Variants in ADGRB3 observed in about 807,000 individuals in gnomAD.
ADGRB3 encodes the protein brain-specific angiogenesis inhibitor 3.
ADGRB3 carries 37 observed loss-of-function variants against 193.4 expected under a neutral mutation model. The observed-to-expected ratio is 0.19, with a 90% CI of 0.15 to 0.25. ADGRB3 has a LOEUF of 0.25. Ranked by LOEUF, ADGRB3 falls within the 10% of genes least tolerant of loss-of-function variation. ADGRB3 has a pLI of 1.00. For missense variants in ADGRB3, 1,637 were observed against 1,852.9 expected (o/e 0.88, Z 2.14); for synonymous variants, 690 against 644.2 (o/e 1.07, Z -1.08).
intron 17 of ADGRB3, among the ~76,000 whole-genome samples, chr6:69,192,358 C>G (rs1446746911): frequency 6.6e-6 from 1 of 152,124 alleles, no homozygotes; most frequent in Admixed American, 6.5e-5. Flanking sequence ...TAGTCTTTCC[C>G]CATTCTTCTG....
intron 17 of ADGRB3, among the ~76,000 whole-genome samples, chr6:69,187,099 CA>C (rs1765087576): frequency 1.3e-5 from 2 of 151,718 alleles, no homozygotes; most frequent in Non-Finnish European, 2.9e-5. Flanking sequence ...ATAAGAAACT[CA>C]AAAACAATGC....
Position 69,175,390 on chromosome 6 carries a change from T to G in ADGRB3, c.2481-57900T>G, listed in dbSNP as rs542750558. 9.8e-5 allele frequency among the ~76,000 whole-genome samples: 15 copies of G among 152,306 alleles called. No individual in the cohort carries two copies. In the East Asian group the frequency reaches 2.9e-3, roughly 29 times the overall value. ...AGCCATCCCAGCACTATTTATTGAA[T>G]AGGGAGTCCTTTTCTCATTGCTTAT... On this transcript the variant is annotated intron_variant, in intron 17 of 31. Transcript: ENST00000370598.
At chr6:69,379,931 A>G (rs1769911095) in intron 30 of ADGRB3, among the ~76,000 whole-genome samples, 1 of 152,012 alleles carries the variant, frequency 6.6e-6, no homozygotes, top group Non-Finnish European at 1.5e-5. Flanking sequence ...TTTATTATTC[A>G]GAATAGCTTT....
intron 17 of ADGRB3, among the ~76,000 whole-genome samples, chr6:69,160,714 G>C (rs944896421): frequency 1.3e-5 from 2 of 152,038 alleles, no homozygotes; most frequent in African/African-American, 2.4e-5. Flanking sequence ...TCCAGTGCTA[G>C]ATTTGTAATA....
chr6:68,729,004 A>C (rs1373120579), intron 3 of ADGRB3, among the ~76,000 whole-genome samples: 1 of 151,668 alleles, frequency 6.6e-6, no homozygotes, highest in Non-Finnish European at 1.5e-5. Context: ...TTAAAATCTA[A>C]GATAAGCCAC....
chr6:69,358,781 G>T (rs147574242), intron 28 of ADGRB3, among the ~76,000 whole-genome samples: 1 of 151,626 alleles, frequency 6.6e-6, no homozygotes, highest in Non-Finnish European at 1.5e-5. Flanking sequence ...TCATGTTTTC[G>T]TGTGTAGGTG....
chr6:69,313,922 C>A (rs1298860592), intron 20 of ADGRB3, among the ~76,000 whole-genome samples: 1 of 151,712 alleles, frequency 6.6e-6, no homozygotes, highest in South Asian at 2.1e-4. Context: ...TCTCTCCAGA[C>A]ATCTAAGAGA....
intron 3 of ADGRB3, among the ~76,000 whole-genome samples, chr6:68,722,091 A>G (rs1765594242): frequency 6.6e-6 from 1 of 151,720 alleles, no homozygotes; most frequent in Non-Finnish European, 1.5e-5. Flanking sequence ...TTCCTACTAA[A>G]TCATTAAAAA....
chr6:69,035,461 T>C (rs1016914292), intron 13 of ADGRB3, among the ~76,000 whole-genome samples: 1 of 151,490 alleles, frequency 6.6e-6, no homozygotes, highest in Non-Finnish European at 1.5e-5. Context: ...AAGAGAGGAG[T>C]TGGTTGAAAT....
At chr6:69,372,382 T>C in intron 29 of ADGRB3, 24 bp from the exon 30 acceptor site, 1 of 1,302,664 alleles carries the variant, frequency 7.7e-7, no homozygotes, top group Non-Finnish European at 1.0e-6. Flanking sequence ...TTTTTCTCCT[T>C]CTTTTTAAAA....
chr6:68,815,363 C>T (rs1010833301), intron 3 of ADGRB3, among the ~76,000 whole-genome samples: 1 of 151,938 alleles, frequency 6.6e-6, no homozygotes, highest in Non-Finnish European at 1.5e-5. Context: ...ACAGTATTGA[C>T]GTGATTAGTC....
At chr6:69,244,850 A>T (rs1464713802) in intron 20 of ADGRB3, among the ~76,000 whole-genome samples, 2 of 152,030 alleles carry the variant, frequency 1.3e-5, no homozygotes, top group African/African-American at 4.8e-5. Flanking sequence ...TAACCCAGAG[A>T]GTGGTATGTT....
Position 68,993,812 on chromosome 6 carries a change from T to G in ADGRB3, c.1779T>G (p.Asp593Glu). The G allele has an allele frequency of 6.2e-7, 1 of 1,613,976 alleles. No individual in the cohort carries two copies. Residue 593 changes from aspartate (D) to glutamate (E), a missense_variant, in exon 11 of 32, where the codon GAT becomes GAG. Coordinates refer to ENST00000370598, the MANE Select transcript of ADGRB3 (RefSeq NM_001704.3). Reference protein sequence around the residue: ...LAKGQRMLAGDGMSQVTKTLL... With the variant: ...LAKGQRMLAGEGMSQVTKTLL... ...AGGGGCAGCGAATGCTGGCAGGTGA[T>G]GGAATGTCCCAGGTGACCAAGACAC...
intron 3 of ADGRB3, among the ~76,000 whole-genome samples, chr6:68,866,920 T>G (rs2150217474): frequency 6.6e-6 from 1 of 152,332 alleles, no homozygotes; most frequent in East Asian, 1.9e-4. Context: ...GTATATAGTC[T>G]TATGCATTCA....
At position 68,976,607 on chromosome 6, in the gene ADGRB3, G is replaced by T. The variant is rs1020393916; in HGVS notation, c.1734+1267G>T. ...ATATTCCATATGTTACATATATTTT[G>T]TACTGTATTTTTACAATAAAGTAAG... On this transcript the variant is annotated intron_variant, in intron 10 of 31. Coordinates refer to ENST00000370598, the MANE Select transcript of ADGRB3 (RefSeq NM_001704.3). 2.6e-5 allele frequency among the ~76,000 whole-genome samples: 4 copies of T among 152,014 alleles called. No individual in the cohort carries two copies. In the East Asian group the frequency reaches 5.8e-4, roughly 22 times the overall value.
chr6:69,021,500 GC>G (rs1562125026), intron 13 of ADGRB3, among the ~76,000 whole-genome samples: 2 of 151,850 alleles, frequency 1.3e-5, no homozygotes, highest in African/African-American at 4.8e-5. Flanking sequence ...GGAAGCAGAA[GC>G]AGTGCTATTA....
At chr6:69,125,163 A>C (rs1460265648) in intron 17 of ADGRB3, among the ~76,000 whole-genome samples, 1 of 152,160 alleles carries the variant, frequency 6.6e-6, no homozygotes, top group Non-Finnish European at 1.5e-5. Flanking sequence ...CCTTTTGGAC[A>C]GTGTTACCTT....
At chr6:69,275,343 A>T (rs1033553501) in intron 20 of ADGRB3, among the ~76,000 whole-genome samples, 6 of 152,136 alleles carry the variant, frequency 3.9e-5, no homozygotes, top group African/African-American at 1.4e-4. Context: ...TTGCAAGTCT[A>T]AGATTATTTG....
chr6:69,303,944 G>T (rs781218090), intron 20 of ADGRB3, among the ~76,000 whole-genome samples: 3 of 151,812 alleles, frequency 2.0e-5, no homozygotes, highest in Non-Finnish European at 4.4e-5. Context: ...TCTAGAACTC[G>T]AAGCCTCTTT....
Sources: gnomAD v4.1 joint callset for allele counts (sites outside exome capture counted in the v4.1 genomes callset) on GRCh38, gnomAD v4.1.1 for gene constraint, MANE v1.5 for transcripts, NCBI Gene and HGNC (gene_info 2026-07-23, HGNC 2026-07-21) for gene names.